Variants in BNC2 observed in about 807,000 individuals in gnomAD.
BNC2 encodes zinc finger protein basonuclin-2.
BNC2 carries 20 observed loss-of-function variants against 76.3 expected under a neutral mutation model. The observed-to-expected ratio is 0.26, with a 90% CI of 0.18 to 0.38. The LOEUF (loss-of-function observed/expected upper bound fraction) is 0.38, where lower values mean the gene tolerates loss of function less well. Among genes scored for constraint, BNC2 ranks in the 10% least tolerant of loss-of-function variants. BNC2 has a pLI of 1.00. For missense variants in BNC2, 1,382 were observed against 1,399.8 expected (o/e 0.99, Z 0.20); for synonymous variants, 582 against 514.8 (o/e 1.13, Z -1.77).
chr9:16,418,269 T>C lies in BNC2; in HGVS notation c.*720A>G, dbSNP rs995873938. ...CCTCTTTAGCACTATATCTAACAGG[T>C]AGTAAAAACAAGACCATGTTTTTTT... On this transcript the variant is annotated 3_prime_UTR_variant, in exon 7 of 7. Transcript: ENST00000380672. 6.5e-6 allele frequency: 1 copy of C among 152,710 alleles called. No homozygotes were observed. Among genetic ancestry groups the C allele is most frequent in the East Asian group, 1.9e-4 (1 of 5,192 alleles). The allele number at this position is 152,710 out of a possible 1,614,324, so 9.5% of individuals were successfully genotyped here. A position where few individuals can be genotyped will look rare whatever the true frequency, so the allele number is the denominator to read the frequency against.
At chr9:16,627,549 A>G (rs1273478200) in intron 3 of BNC2, among the ~76,000 whole-genome samples, 2 of 152,214 alleles carry the variant, frequency 1.3e-5, no homozygotes, top group South Asian at 2.1e-4. Flanking sequence ...CTGTGATGCA[A>G]GCCCATTAAT....
At chr9:16,491,706 A>G (rs1170083726) in intron 5 of BNC2, among the ~76,000 whole-genome samples, 5 of 152,208 alleles carry the variant, frequency 3.3e-5, no homozygotes, top group Non-Finnish European at 1.5e-5. Flanking sequence ...CCTTGTTCAC[A>G]TGTGCACTCG....
intron 1 of BNC2, among the ~76,000 whole-genome samples, chr9:16,805,481 C>A (rs1751218409): frequency 6.6e-6 from 1 of 151,912 alleles, no homozygotes; most frequent in Non-Finnish European, 1.5e-5. Context: ...CGCGTGCCAC[C>A]ACAGCCTGGC....
intron 3 of BNC2, among the ~76,000 whole-genome samples, chr9:16,720,566 T>C (rs1824126792): frequency 6.6e-6 from 1 of 152,214 alleles, no homozygotes; most frequent in African/African-American, 2.4e-5. Context: ...AGAGAATCAG[T>C]TGTTTCAATG....
At chr9:16,584,274 A>G (rs1819708846) in intron 3 of BNC2, among the ~76,000 whole-genome samples, 1 of 152,152 alleles carries the variant, frequency 6.6e-6, no homozygotes, top group Non-Finnish European at 1.5e-5. Context: ...CCAGATGCTC[A>G]TATTTCTGGA....
chr9:16,766,286 G>A (rs1191520290), intron 1 of BNC2, among the ~76,000 whole-genome samples: 1 of 152,096 alleles, frequency 6.6e-6, no homozygotes, highest in African/African-American at 2.4e-5. Context: ...TTTAATTGAG[G>A]TTAATTTCTT....
chr9:16,448,504 T>C (rs1205551888), intron 5 of BNC2, among the ~76,000 whole-genome samples: 4 of 152,164 alleles, frequency 2.6e-5, no homozygotes. Flanking sequence ...ATGATTCTCC[T>C]TCACATATTA....
chr9:16,489,501 G>T (rs188950241), intron 5 of BNC2, among the ~76,000 whole-genome samples: 36 of 152,284 alleles, frequency 2.4e-4, no homozygotes, highest in African/African-American at 8.7e-4. Flanking sequence ...TGGTCTCAGG[G>T]TAGGAAGGCT....
chr9:16,649,008 G>A (rs1821718340), intron 3 of BNC2, among the ~76,000 whole-genome samples: 1 of 152,138 alleles, frequency 6.6e-6, no homozygotes, highest in East Asian at 1.9e-4. Context: ...CTTAGACTCT[G>A]TATGAAAGAC....
chr9:16,824,129 C>CA (rs1423383793), intron 1 of BNC2, among the ~76,000 whole-genome samples: 2 of 152,122 alleles, frequency 1.3e-5, no homozygotes, highest in African/African-American at 4.8e-5. Flanking sequence ...CTTTGATAAT[C>CA]AGTCATAAAA....
At chr9:16,746,161 G>C (rs10738457) in intron 1 of BNC2, among the ~76,000 whole-genome samples, 1 of 151,996 alleles carries the variant, frequency 6.6e-6, no homozygotes, top group Non-Finnish European at 1.5e-5. Context: ...TGTTTACACC[G>C]GAGCTCAAAG....
chr9:16,441,794 T>C lies in BNC2; in HGVS notation c.670-4270A>G, dbSNP rs532034440. Among the ~76,000 whole-genome samples, 4 of 152,356 alleles carry C rather than the reference T, an allele frequency of 2.6e-5. No homozygotes were observed. In the East Asian group the frequency reaches 5.8e-4, roughly 22 times the overall value. On this transcript the variant is annotated intron_variant, in intron 5 of 6. Transcript: ENST00000380672. ...ATTTTTATTGTATTTAACTTAAGTA[T>C]TGGAAAAACTAGTCCTCCTTGCAAA...
rs10122908 is a variant in BNC2 at position 16,595,294 on chromosome 9, A to G, written c.331-12209T>C. On this transcript the variant is annotated intron_variant, in intron 3 of 6. Transcript: ENST00000380672. ...TAATTATCTCTGATTATAAAAGAATATGTTTCTTCACTTAAAAGCAGGTAT... is the reference window on the plus strand; with the variant it reads ...TAATTATCTCTGATTATAAAAGAATGTGTTTCTTCACTTAAAAGCAGGTAT... Among the ~76,000 whole-genome samples the G allele has an allele frequency of 6.5e-3, 995 of 152,268 alleles. 9 individuals carry two copies. The highest frequency in any genetic ancestry group is 0.022 in the African/African-American group (903 of 41,564).
intron 4 of BNC2, among the ~76,000 whole-genome samples, chr9:16,555,626 C>T (rs1818806706): frequency 6.6e-6 from 1 of 151,800 alleles, no homozygotes; most frequent in South Asian, 2.1e-4. Flanking sequence ...AAACTCCCAC[C>T]TCTACAAAAA....
chr9:16,440,345 C>A (rs1821101076), intron 5 of BNC2, among the ~76,000 whole-genome samples: 1 of 152,182 alleles, frequency 6.6e-6, no homozygotes, highest in African/African-American at 2.4e-5. Flanking sequence ...AAGAGCAGGA[C>A]TTCTGAGGAA....
intron 5 of BNC2, among the ~76,000 whole-genome samples, chr9:16,486,221 C>T (rs1272413325): frequency 6.6e-6 from 1 of 152,178 alleles, no homozygotes; most frequent in Non-Finnish European, 1.5e-5. Context: ...ATCCTGGCCT[C>T]TGTCACTCCT....
chr9:16,457,763 G>T (rs1367486691), intron 5 of BNC2, among the ~76,000 whole-genome samples: 1 of 152,216 alleles, frequency 6.6e-6, no homozygotes, highest in Non-Finnish European at 1.5e-5. Context: ...TGAGGAAATG[G>T]TGGGAATACT....
At chr9:16,643,305 C>CAAAA in intron 3 of BNC2, among the ~76,000 whole-genome samples, 1 of 121,576 alleles carries the variant, frequency 8.2e-6, no homozygotes, top group South Asian at 2.7e-4. Context: ...GACTCTGTCT[C>CAAAA]AAAAAAAAAA....
chr9:16,642,012 C>T (rs1821504192), intron 3 of BNC2, among the ~76,000 whole-genome samples: 1 of 152,148 alleles, frequency 6.6e-6, no homozygotes, highest in Non-Finnish European at 1.5e-5. Flanking sequence ...ATTCAGTAAA[C>T]ACCCAATGCA....
Sources: allele counts gnomAD v4.1 joint callset (sites outside exome capture counted in the v4.1 genomes callset), GRCh38; gene constraint gnomAD v4.1.1; transcripts MANE v1.5; gene names NCBI Gene and HGNC (gene_info 2026-07-23, HGNC 2026-07-21).